Variants in PATJ observed in about 807,000 individuals in gnomAD.
PATJ encodes PATJ crumbs cell polarity complex component.
PATJ carries 190 observed loss-of-function variants against 224.9 expected under a neutral mutation model. The observed-to-expected ratio is 0.84, with a 90% confidence interval of 0.75 to 0.95. The LOEUF is 0.95. PATJ is among the 40% of genes least tolerant of loss of function. The pLI is 0.00. For synonymous variants in PATJ, 769 were observed against 820.3 expected (o/e 0.94, Z 1.07); for missense variants, 2,121 against 2,270.3 (o/e 0.93, Z 1.34).
At chr1:62,091,988 G>A (rs930640319) in intron 33 of PATJ, among the ~76,000 whole-genome samples, 1 of 150,302 alleles carries the variant, frequency 6.7e-6, no homozygotes, top group Non-Finnish European at 1.5e-5. Flanking sequence ...CACGGGAGGC[G>A]GAGGTTGCAG....
chr1:61,968,000 A>G (rs1277465184), intron 27 of PATJ, among the ~76,000 whole-genome samples: 2 of 152,172 alleles, frequency 1.3e-5, no homozygotes, highest in Non-Finnish European at 2.9e-5. Context: ...TTTCGATGTC[A>G]TCATCTCAGC....
At chr1:61,985,562 A>G (rs1644709343) in intron 27 of PATJ, among the ~76,000 whole-genome samples, 1 of 152,072 alleles carries the variant, frequency 6.6e-6, no homozygotes, top group African/African-American at 2.4e-5. Flanking sequence ...TCTCAAACAG[A>G]AACTACAGAA....
intron 7 of PATJ, among the ~76,000 whole-genome samples, chr1:61,781,448 A>G (rs1013138775): frequency 1.7e-5 from 2 of 115,428 alleles, no homozygotes; most frequent in African/African-American, 3.2e-5. Context: ...TTACCAGTCA[A>G]TGTTATGCTT....
At chr1:61,824,012 G>A (rs1020559359) in intron 15 of PATJ, among the ~76,000 whole-genome samples, 1 of 152,094 alleles carries the variant, frequency 6.6e-6, no homozygotes, top group African/African-American at 2.4e-5. Context: ...ATGGTATTAG[G>A]TTTCTTATTG....
chr1:62,144,796 A>ATATATATATATATATATATATATATAT (rs1204098847), intron 41 of PATJ, among the ~76,000 whole-genome samples: 13 of 145,030 alleles, frequency 9.0e-5, no homozygotes, highest in East Asian at 4.4e-4. Flanking sequence ...ATATATATAT[A>ATATATATATATATATATATATATATAT]ATTAGCAGAA....
intron 33 of PATJ, among the ~76,000 whole-genome samples, chr1:62,092,285 C>T (rs966198321): frequency 6.6e-6 from 1 of 151,734 alleles, no homozygotes; most frequent in African/African-American, 2.4e-5. Context: ...CAGGCTGAGG[C>T]AGGAAGATGG....
intron 31 of PATJ, among the ~76,000 whole-genome samples, chr1:62,077,686 C>CAAAA (rs11439364): frequency 0.029 from 2,559 of 88,992 alleles, 116 homozygotes; most frequent in African/African-American, 0.097. Context: ...AGACCCTGTC[C>CAAAA]AAAAAAAAAA....
chr1:61,907,792 C>G (rs770557877), intron 24 of PATJ, among the ~76,000 whole-genome samples: 1 of 152,156 alleles, frequency 6.6e-6, no homozygotes, highest in Non-Finnish European at 1.5e-5. Context: ...GGCATGTTAG[C>G]AAGTTATGTT....
chr1:61,991,432 T>C, intron 28 of PATJ: 1 of 907,754 alleles, frequency 1.1e-6, no homozygotes, highest in Non-Finnish European at 1.3e-6. Flanking sequence ...TTAGACTGCT[T>C]ACTTGAAATG....
At chr1:61,762,262 G>A in intron 1 of PATJ, among the ~76,000 whole-genome samples, 1 of 152,108 alleles carries the variant, frequency 6.6e-6, no homozygotes, top group Admixed American at 6.6e-5. Flanking sequence ...TCATATGAAT[G>A]TAATCATACA....
intron 31 of PATJ, among the ~76,000 whole-genome samples, chr1:62,066,824 G>T (rs975414194): frequency 6.6e-5 from 10 of 152,184 alleles, no homozygotes; most frequent in Non-Finnish European, 8.8e-5. Context: ...TAGGGAATGG[G>T]TGCTGCTGAT....
chr1:61,783,675 A>G (rs1340692484), intron 7 of PATJ, among the ~76,000 whole-genome samples: 1 of 150,774 alleles, frequency 6.6e-6, no homozygotes, highest in Non-Finnish European at 1.5e-5. Context: ...TTAAATTATC[A>G]TCCACAACAG....
intron 29 of PATJ, among the ~76,000 whole-genome samples, chr1:62,024,386 A>C (rs1442874991): frequency 6.6e-6 from 1 of 151,854 alleles, no homozygotes; most frequent in Non-Finnish European, 1.5e-5. Context: ...TCAGAAGTTG[A>C]TATTGGTCTA....
In PATJ at chr1:61,801,603, A is replaced by AT. The variant is rs1328176663; in HGVS notation, c.1403-18dup. On this transcript the variant is annotated intron_variant, in intron 11 of 43. Coordinates refer to ENST00000642238, the MANE Select transcript of PATJ (RefSeq NM_001350145.3). ...GTTAGCATTAACAAAATTTTAAAAA[A>AT]TTATTTTTTTTTGTTTTAGGAACTG... The AT allele has an allele frequency of 1.5e-5, 22 of 1,437,232 alleles. No individual in the cohort carries two copies. The highest frequency in any genetic ancestry group is 1.9e-5 in the Non-Finnish European group (21 of 1,083,848). The allele number at this position is 1,437,232 out of a possible 1,614,324, so 89.0% of individuals were successfully genotyped here.
intron 27 of PATJ, among the ~76,000 whole-genome samples, chr1:61,958,781 T>A (rs1680799349): frequency 6.6e-6 from 1 of 152,214 alleles, no homozygotes; most frequent in Non-Finnish European, 1.5e-5. Context: ...GACCAAGTTG[T>A]CAAGTCATTG....
intron 31 of PATJ, among the ~76,000 whole-genome samples, chr1:62,064,086 A>G (rs1570407913): frequency 6.6e-6 from 1 of 152,166 alleles, no homozygotes; most frequent in Non-Finnish European, 1.5e-5. Context: ...TCCAGTTCTG[A>G]AGAGGAATGC....
At chr1:61,770,510 G>A (rs1376290542) in intron 5 of PATJ, among the ~76,000 whole-genome samples, 5 of 152,128 alleles carry the variant, frequency 3.3e-5, no homozygotes, top group East Asian at 1.9e-4. Context: ...TGCATGTAAA[G>A]CACTCAACAT....
At chr1:62,046,674 G>T (rs1652628646) in intron 30 of PATJ, among the ~76,000 whole-genome samples, 1 of 152,194 alleles carries the variant, frequency 6.6e-6, no homozygotes, top group African/African-American at 2.4e-5. Context: ...CAAAAGAGAT[G>T]AATGTTAAGT....
At position 61,793,192 on chromosome 1, in the gene PATJ, G is replaced by A. The variant is rs555848757; in HGVS notation, c.1168+1745G>A. ...GCTTTCAAGTGACTCTTGTGCCTCA[G>A]ACTCCCCAGTAGCTGGGACTATGGG... On this transcript the variant is annotated intron_variant, in intron 9 of 43. Transcript: ENST00000642238. Among the ~76,000 whole-genome samples, 159 of 152,164 alleles carry A rather than the reference G, an allele frequency of 1.0e-3. 1 individual carries two copies. Among genetic ancestry groups the A allele is most frequent in the African/African-American group, 3.8e-3 (156 of 41,490 alleles).
Sources: gnomAD v4.1 joint callset for allele counts (sites outside exome capture counted in the v4.1 genomes callset) on GRCh38, gnomAD v4.1.1 for gene constraint, MANE v1.5 for transcripts, NCBI Gene and HGNC (gene_info 2026-07-23, HGNC 2026-07-21) for gene names.